Variants in BMERB1 observed in about 807,000 individuals in gnomAD.
BMERB1 encodes the protein bMERB domain-containing protein 1.
A neutral mutation model predicts 23.6 loss-of-function variants in BMERB1; 12 were observed. That is an observed-to-expected ratio of 0.51 (90% CI 0.33 to 0.82). The LOEUF (loss-of-function observed/expected upper bound fraction) is 0.82, where lower values mean the gene tolerates loss of function less well. Among genes scored for constraint, BMERB1 ranks in the 40% least tolerant of loss-of-function variants. The pLI is 0.03. For synonymous variants in BMERB1, 122 were observed against 96.6 expected (o/e 1.26, Z -1.54); for missense variants, 247 against 255.4 (o/e 0.97, Z 0.22).
chr16:15,466,336 A>G (rs916947322), intron 1 of BMERB1, among the ~76,000 whole-genome samples: 5 of 152,116 alleles, frequency 3.3e-5, no homozygotes, highest in African/African-American at 9.7e-5. Flanking sequence ...CCTGATTTCC[A>G]ATGAGGTTAG....
rs1225183646 is a variant in BMERB1, at chr16:15,537,496, G to A, written c.230+22068G>A. Reference sequence around the variant, plus strand: ...AGCCTCCCCAGTAGCGGGGATTACAGGTGCCCGCCACCATGCCTGGCTAAT... The same window carrying A: ...AGCCTCCCCAGTAGCGGGGATTACAAGTGCCCGCCACCATGCCTGGCTAAT... On this transcript the variant is annotated intron_variant, in intron 2 of 5. Transcript: ENST00000300006. Among the ~76,000 whole-genome samples, 3 of 151,766 alleles carry A rather than the reference G, an allele frequency of 2.0e-5. No homozygotes were observed. In the East Asian group the frequency reaches 5.8e-4, roughly 29 times the overall value.
intron 2 of BMERB1, among the ~76,000 whole-genome samples, chr16:15,557,223 T>G (rs1257077236): frequency 6.6e-6 from 1 of 152,200 alleles, no homozygotes; most frequent in Non-Finnish European, 1.5e-5. Flanking sequence ...GGGTTGGCTT[T>G]CTTTTCCTTC....
At chr16:15,526,979 TTATAG>T (rs1258858907) in intron 2 of BMERB1, among the ~76,000 whole-genome samples, 1 of 148,184 alleles carries the variant, frequency 6.7e-6, no homozygotes, top group African/African-American at 2.5e-5. Flanking sequence ...TTTATTATTA[TTATAG>T]TATATTTTAT....
chr16:15,549,231 T>C (rs1354532498), intron 2 of BMERB1, among the ~76,000 whole-genome samples: 1 of 150,756 alleles, frequency 6.6e-6, no homozygotes, highest in Non-Finnish European at 1.5e-5. Flanking sequence ...CCCAGCTACT[T>C]GGGAGGCTGA....
rs539633909 is a variant in BMERB1, at chr16:15,500,030, AG to A, written c.107-15269del. On this transcript the variant is annotated intron_variant, in intron 1 of 5. Transcript: ENST00000300006. ...GTTAACAAATAGTGGAAATTGAGTG[AG>A]GGGGGTAGAGGGGAATTCTGTTGGC... Among the ~76,000 whole-genome samples, 22 of 152,294 alleles carry A rather than the reference AG, an allele frequency of 1.4e-4. No homozygotes were observed. In the South Asian group the frequency reaches 3.5e-3, roughly 24 times the overall value.
chr16:15,543,290 C>G (rs1246415318), intron 2 of BMERB1, among the ~76,000 whole-genome samples: 1 of 151,960 alleles, frequency 6.6e-6, no homozygotes, highest in Non-Finnish European at 1.5e-5. Context: ...GATTGTGGAG[C>G]CTGGGGTTTG....
intron 5 of BMERB1, among the ~76,000 whole-genome samples, chr16:15,583,723 C>CA (rs1184847914): frequency 1.3e-5 from 2 of 152,062 alleles, no homozygotes; most frequent in Admixed American, 1.3e-4. Context: ...GGCCTGCAGG[C>CA]AGTTGCCTGG....
At chr16:15,578,220 TCTC>T (rs947367863) in intron 3 of BMERB1, among the ~76,000 whole-genome samples, 28 of 148,798 alleles carry the variant, frequency 1.9e-4, no homozygotes, top group East Asian at 4.0e-4. Context: ...TGTCTTCTCT[TCTC>T]CTCTTTTTTT....
chr16:15,551,377 G>A (rs910527566), intron 2 of BMERB1, among the ~76,000 whole-genome samples: 1 of 152,204 alleles, frequency 6.6e-6, no homozygotes, highest in Non-Finnish European at 1.5e-5. Context: ...TAAAGGAGGT[G>A]CAGTCTGTTG....
intron 1 of BMERB1, among the ~76,000 whole-genome samples, chr16:15,494,451 A>G (rs2051453825): frequency 6.6e-6 from 1 of 152,104 alleles, no homozygotes. Flanking sequence ...TGACATTACA[A>G]TTTGTTAAAT....
chr16:15,578,014 A>C (rs1044307042), intron 3 of BMERB1, among the ~76,000 whole-genome samples: 1 of 152,134 alleles, frequency 6.6e-6, no homozygotes, highest in Middle Eastern at 3.2e-3. Context: ...TTAGAGAGAC[A>C]ATTTTAACAA....
chr16:15,557,979 G>A (rs1162119623), intron 2 of BMERB1, among the ~76,000 whole-genome samples: 2 of 152,086 alleles, frequency 1.3e-5, no homozygotes, highest in African/African-American at 4.8e-5. Context: ...GTGAGGCGGA[G>A]GTTGCAGTGA....
chr16:15,439,527 T>G (rs180673740), intron 1 of BMERB1, among the ~76,000 whole-genome samples: 9 of 152,256 alleles, frequency 5.9e-5, no homozygotes, highest in Admixed American at 5.2e-4. Flanking sequence ...TCTTAGTAAA[T>G]TCTGGTTAAT....
intron 1 of BMERB1, among the ~76,000 whole-genome samples, chr16:15,446,923 C>G (rs1021547329): frequency 2.6e-5 from 4 of 152,160 alleles, no homozygotes; most frequent in Non-Finnish European, 5.9e-5. Flanking sequence ...CTTGTAGCTT[C>G]ACAAAGAAAG....
In BMERB1 at chr16:15,489,751, C is replaced by A. The variant is rs1385513394; in HGVS notation, c.107-25554C>A. 3.9e-5 allele frequency among the ~76,000 whole-genome samples: 6 copies of A among 152,140 alleles called. 1 individual carries two copies. Among genetic ancestry groups the A allele is most frequent in the Non-Finnish European group, 7.4e-5 (5 of 68,018 alleles). On this transcript the variant is annotated intron_variant, in intron 1 of 5. Coordinates refer to ENST00000300006, the MANE Select transcript of BMERB1 (RefSeq NM_033201.3). ...TGACATTTACTCTGCTCCTCCCACG[C>A]CACAGAGTCTAACTTTTTCTATCTT...
intron 1 of BMERB1, among the ~76,000 whole-genome samples, chr16:15,514,764 A>G (rs1471739306): frequency 6.6e-6 from 1 of 151,894 alleles, no homozygotes; most frequent in Non-Finnish European, 1.5e-5. Context: ...AGCCTGGGCA[A>G]CAGAGCAGGA....
At chr16:15,510,925 C>T (rs2150948591) in intron 1 of BMERB1, among the ~76,000 whole-genome samples, 1 of 152,278 alleles carries the variant, frequency 6.6e-6, no homozygotes, top group Middle Eastern at 3.4e-3. Flanking sequence ...TGGTCTCGAA[C>T]TCCTGACCTC....
Position 15,494,705 on chromosome 16 carries a change from G to A in BMERB1, c.107-20600G>A, listed in dbSNP as rs192877977. Among the ~76,000 whole-genome samples, 892 of 152,164 alleles carry A rather than the reference G, an allele frequency of 5.9e-3. 4 individuals are homozygous for A. Among genetic ancestry groups the A allele is most frequent in the Middle Eastern group, 0.024 (7 of 294 alleles). ...AGTGGTTGATCAAATGAAATTTAAT[G>A]TAAAGTTATTTTAACTGCTTTTCTT... On this transcript the variant is annotated intron_variant, in intron 1 of 5. Transcript: ENST00000300006.
chr16:15,480,570 A>G (rs145585246), intron 1 of BMERB1, among the ~76,000 whole-genome samples: 2 of 129,132 alleles, frequency 1.5e-5, no homozygotes, highest in Non-Finnish European at 3.3e-5. Context: ...TCTATTATAT[A>G]TATTTATTTG....
Sources: allele counts gnomAD v4.1 joint callset (sites outside exome capture counted in the v4.1 genomes callset), GRCh38; gene constraint gnomAD v4.1.1; transcripts MANE v1.5; gene names NCBI Gene and HGNC (gene_info 2026-07-23, HGNC 2026-07-21).